CDH12: variants seen among roughly 807,000 people sequenced by gnomAD.
The protein encoded by CDH12 is cadherin 12.
In CDH12, 41 loss-of-function variants were observed where a neutral mutation model predicts 74.1. The observed-to-expected ratio is 0.55, with a 90% CI of 0.43 to 0.72. CDH12 has a LOEUF of 0.72. Ranked by LOEUF, CDH12 falls within the 30% of genes least tolerant of loss-of-function variation. The probability of loss-of-function intolerance (pLI) is 0.00; values close to 1 mark genes in which losing one functional copy is unlikely to be tolerated. For synonymous variants in CDH12, 399 were observed against 355.0 expected, an observed-to-expected ratio of 1.12 and a Z score of -1.39; for missense variants, 945 against 977.2, an observed-to-expected ratio of 0.97 and a Z score of 0.44.
At chr5:22,334,772 G>A (rs999131453) in intron 3 of CDH12, among the ~76,000 whole-genome samples, 1 of 152,116 alleles carries the variant, frequency 6.6e-6, no homozygotes, top group African/African-American at 2.4e-5. Context: ...TTCAATAAAT[G>A]GTGAGGGGAA....
At chr5:21,782,619 C>G (rs745773376) in intron 11 of CDH12, among the ~76,000 whole-genome samples, 1 of 152,060 alleles carries the variant, frequency 6.6e-6, no homozygotes, top group South Asian at 2.1e-4. Flanking sequence ...TTCAAGAGAC[C>G]ATAAGTAAAA....
intron 3 of CDH12, among the ~76,000 whole-genome samples, chr5:22,270,514 G>T (rs1736344897): frequency 6.6e-6 from 1 of 151,354 alleles, no homozygotes; most frequent in African/African-American, 2.4e-5. Flanking sequence ...AGAATTGCTT[G>T]AACTCAGGAG....
chr5:22,115,396 GA>G (rs1261572013), intron 4 of CDH12, among the ~76,000 whole-genome samples: 2 of 152,100 alleles, frequency 1.3e-5, no homozygotes, highest in Non-Finnish European at 2.9e-5. Flanking sequence ...TTCAAAAATG[GA>G]TATGATAATA....
At chr5:21,907,184 C>T (rs1329532424) in intron 6 of CDH12, among the ~76,000 whole-genome samples, 1 of 152,148 alleles carries the variant, frequency 6.6e-6, no homozygotes, top group Non-Finnish European at 1.5e-5. Context: ...AATGCTGCTG[C>T]CAATTAGAAC....
intron 1 of CDH12, among the ~76,000 whole-genome samples, chr5:22,811,968 C>G (rs1749167985): frequency 6.6e-6 from 1 of 152,044 alleles, no homozygotes; most frequent in Non-Finnish European, 1.5e-5. Context: ...AATAACATGG[C>G]AGAGAAAAGT....
intron 1 of CDH12, among the ~76,000 whole-genome samples, chr5:22,703,182 C>T (rs1329248332): frequency 6.6e-6 from 1 of 152,070 alleles, no homozygotes; most frequent in East Asian, 1.9e-4. Context: ...AAAAGCACCC[C>T]GTTCAAGTCA....
At chr5:21,951,537 C>G (rs185547544) in intron 6 of CDH12, among the ~76,000 whole-genome samples, 1 of 152,204 alleles carries the variant, frequency 6.6e-6, no homozygotes, top group Admixed American at 6.5e-5. Context: ...CGTAAGTCAT[C>G]GTGCCCAGCT....
At chr5:22,115,541 C>T (rs969850536) in intron 4 of CDH12, among the ~76,000 whole-genome samples, 5 of 151,976 alleles carry the variant, frequency 3.3e-5, no homozygotes, top group African/African-American at 1.2e-4. Context: ...TATACATTGG[C>T]TATAGTATTA....
chr5:21,784,263 A>G (rs976002105), intron 10 of CDH12, among the ~76,000 whole-genome samples: 1 of 152,170 alleles, frequency 6.6e-6, no homozygotes, highest in African/African-American at 2.4e-5. Context: ...AGATATATGG[A>G]TCGGCATTAT....
intron 6 of CDH12, among the ~76,000 whole-genome samples, chr5:21,958,150 G>T (rs550684767): frequency 2.0e-5 from 3 of 152,164 alleles, no homozygotes; most frequent in South Asian, 4.1e-4. Flanking sequence ...TTGTGAAAAA[G>T]GTGCATTGCG....
At chr5:22,187,287 C>T (rs2150342749) in intron 4 of CDH12, among the ~76,000 whole-genome samples, 1 of 152,280 alleles carries the variant, frequency 6.6e-6, no homozygotes, top group South Asian at 2.1e-4. Context: ...GAGACCAACA[C>T]TTTCAACTTA....
At chr5:22,538,000 T>C (rs1312477201) in intron 1 of CDH12, among the ~76,000 whole-genome samples, 2 of 152,194 alleles carry the variant, frequency 1.3e-5, no homozygotes, top group Admixed American at 6.5e-5. Flanking sequence ...TAGAAAAAGA[T>C]GCAGCATGCA....
chr5:21,891,784 C>T (rs1752911136), intron 6 of CDH12, among the ~76,000 whole-genome samples: 1 of 152,028 alleles, frequency 6.6e-6, no homozygotes, highest in Non-Finnish European at 1.5e-5. Context: ...ACTTAATTCT[C>T]CTTGCTAAAT....
At position 22,815,785 on chromosome 5, in the gene CDH12, A is replaced by T. The variant is rs1474941903; in HGVS notation, c.-523+37273T>A. Among the ~76,000 whole-genome samples the T allele has an allele frequency of 1.6e-3, 230 of 147,316 alleles. 1 individual carries two copies. Among genetic ancestry groups the T allele is most frequent in the Admixed American group, 4.5e-3 (67 of 14,868 alleles). ...ACTCCGTCTCAAAAAAAAAAAAAAA[A>T]TAAATAAATAATAAAAATAAAAAAA... On this transcript the variant is annotated intron_variant, in intron 1 of 14. Coordinates refer to ENST00000382254, the MANE Select transcript of CDH12 (RefSeq NM_004061.5).
chr5:22,512,387 G>A (rs1736649772), intron 1 of CDH12, among the ~76,000 whole-genome samples: 1 of 152,080 alleles, frequency 6.6e-6, no homozygotes, highest in African/African-American at 2.4e-5. Flanking sequence ...GGTAAAAAAA[G>A]CACAGCAATG....
intron 3 of CDH12, among the ~76,000 whole-genome samples, chr5:22,269,742 A>G (rs1410422136): frequency 6.6e-6 from 1 of 152,200 alleles, no homozygotes; most frequent in African/African-American, 2.4e-5. Flanking sequence ...GCAATTATAC[A>G]TCTCTGTATG....
At chr5:22,608,680 T>C (rs890380897) in intron 1 of CDH12, among the ~76,000 whole-genome samples, 1 of 152,176 alleles carries the variant, frequency 6.6e-6, no homozygotes, top group African/African-American at 2.4e-5. Flanking sequence ...CCATGTGTCA[T>C]GGGTGGGAGC....
chr5:22,045,326 T>TACA (rs1204732236), intron 5 of CDH12, among the ~76,000 whole-genome samples: 1 of 152,126 alleles, frequency 6.6e-6, no homozygotes, highest in Admixed American at 6.5e-5. Context: ...AAGAGCCCTT[T>TACA]ACACTCTTTG....
intron 1 of CDH12, among the ~76,000 whole-genome samples, chr5:22,577,875 C>A (rs1168115801): frequency 6.6e-6 from 1 of 152,188 alleles, no homozygotes; most frequent in East Asian, 1.9e-4. Context: ...GATTGCCTCA[C>A]TATCTAAAAG....
Sources: allele counts gnomAD v4.1 joint callset (sites outside exome capture counted in the v4.1 genomes callset), GRCh38; gene constraint gnomAD v4.1.1; transcripts MANE v1.5; gene names NCBI Gene and HGNC (gene_info 2026-07-23, HGNC 2026-07-21).